Variants in KLHL11 observed in about 807,000 individuals in gnomAD.
KLHL11 encodes the protein kelch-like protein 11.
Under a neutral mutation model 56.1 loss-of-function variants are expected in KLHL11, and 26 were observed. The ratio of observed to expected loss-of-function variants is 0.46; its 90% CI spans 0.34 to 0.64. The LOEUF (loss-of-function observed/expected upper bound fraction) is 0.64, where lower values mean the gene tolerates loss of function less well. Among genes scored for constraint, KLHL11 ranks in the 30% least tolerant of loss-of-function variants. The pLI is 0.01. For missense variants in KLHL11, 627 were observed against 919.4 expected (o/e 0.68, Z 4.11); for synonymous variants, 338 against 345.8 (o/e 0.98, Z 0.25).
rs149464035 is a variant in KLHL11, at chr17:41,864,831, G to C, written c.540C>G (p.Ala180=). The C allele has an allele frequency of 3.8e-3, 5,749 of 1,499,754 alleles. 16 individuals are homozygous for C. Among genetic ancestry groups the C allele is most frequent in the Non-Finnish European group, 4.7e-3 (5,322 of 1,120,782 alleles). The allele number at this position is 1,499,754 out of a possible 1,614,324, so 92.9% of individuals were successfully genotyped here. ...TGSVHEVLEL[A]DRFLLIRLKE... ...CTCCCGCCTCCCTCGCCTACCTGTC[G>C]GCCAACTCCAGCACCTCGTGCACGC... The change falls in exon 1 of 2, where the codon GCC becomes GCG. Residue 180 remains alanine (A), a synonymous_variant. Coordinates refer to ENST00000319121, the MANE Select transcript of KLHL11 (RefSeq NM_018143.3).
Position 41,865,273 on chromosome 17 carries a change from G to T in KLHL11, c.98C>A (p.Ser33Ter). 6.4e-7 allele frequency: 1 copy of T among 1,574,698 alleles called. No individual in the cohort carries two copies. Reference sequence around the variant, plus strand: ...TCGGACCTCGGCGGCCAGTCCTGCCGAGCCGGCGGCGGCCGTCTCCATGCT... The same window carrying T: ...TCGGACCTCGGCGGCCAGTCCTGCCTAGCCGGCGGCGGCCGTCTCCATGCT... ...MESMETAAAG[S>*]AGLAAEVRGS... is the part of the protein sequence containing the mutation. Residue 33 changes from serine to a stop codon, truncating the protein, a stop_gained, in exon 1 of 2, where the codon TCG (serine) becomes TAG (stop). Coordinates refer to ENST00000319121, the MANE Select transcript of KLHL11 (RefSeq NM_018143.3). LOFTEE classifies it high-confidence loss of function.
chr17:41,857,154 C>A (rs2144157011), intron 1 of KLHL11, among the ~76,000 whole-genome samples: 1 of 152,098 alleles, frequency 6.6e-6, no homozygotes, highest in South Asian at 2.1e-4. Context: ...TATAATCGTG[C>A]CTGTGAATAG....
In KLHL11 at chr17:41,853,545, T is replaced by C. The variant is rs1181081897; in HGVS notation, c.*195A>G. The C allele has an allele frequency of 1.1e-5, 6 of 558,580 alleles. No individual in the cohort carries two copies. Among genetic ancestry groups the C allele is most frequent in the East Asian group, 3.1e-5 (1 of 31,746 alleles). The allele number at this position is 558,580 out of a possible 1,614,324, so 34.6% of individuals were successfully genotyped here. ...CAAACAAACAAACCAAAGACAAAAATTGCAAGCTAACAAAATGACCATGTA... is the reference window on the plus strand; with the variant it reads ...CAAACAAACAAACCAAAGACAAAAACTGCAAGCTAACAAAATGACCATGTA... On this transcript the variant is annotated 3_prime_UTR_variant, in exon 2 of 2. Coordinates refer to ENST00000319121, the MANE Select transcript of KLHL11 (RefSeq NM_018143.3).
In KLHL11 at chr17:41,865,341, CGCCGCCGCCGCCACT is replaced by C; in HGVS notation, c.15_29del (p.Val6_Ala10del). The C allele has an allele frequency of 6.9e-7, 1 of 1,438,948 alleles. No homozygotes were observed. The highest frequency in any genetic ancestry group is 9.0e-7 in the Non-Finnish European group (1 of 1,109,698). 89.1% of individuals were successfully genotyped at this position (1,438,948 alleles called of 1,614,324 possible). Reference sequence around the variant, plus strand: ...GAAGAGATGCAGCCGCGGCCGCCGCCGCCGCCGCCGCCACTGCCGCAGCCGCCATCTTGACGCCGC... The same window carrying C: ...GAAGAGATGCAGCCGCGGCCGCCGCCGCCGCAGCCGCCATCTTGACGCCGC... On this transcript the variant is annotated inframe_deletion, in exon 1 of 2. Coordinates refer to ENST00000319121, the MANE Select transcript of KLHL11 (RefSeq NM_018143.3).
At chr17:41,858,034 T>C (rs2048377106) in intron 1 of KLHL11, among the ~76,000 whole-genome samples, 1 of 151,958 alleles carries the variant, frequency 6.6e-6, no homozygotes, top group East Asian at 1.9e-4. Context: ...GCCAGGCTGG[T>C]CTCAAACTCC....
chr17:41,861,686 CAAAAAAAAAA>C (rs71155178), intron 1 of KLHL11, among the ~76,000 whole-genome samples: 6 of 61,870 alleles, frequency 9.7e-5, no homozygotes, highest in African/African-American at 3.3e-4. Context: ...ACTCTTGTCT[CAAAAAAAAAA>C]AAAAAAAAAA....
rs782726151 is a variant in KLHL11, at chr17:41,864,902, C to T, written c.469G>A (p.Val157Ile). Reference sequence around the variant, plus strand: ...CGCCCGGTGTACATGTACTCGATTACGGCTTCCACTGTGTCGGGTTCGGGC... The same window carrying T: ...CGCCCGGTGTACATGTACTCGATTATGGCTTCCACTGTGTCGGGTTCGGGC... ...PGPEPDTVEAVIEYMYTGRIR... is the reference protein window; with the variant it reads ...PGPEPDTVEAIIEYMYTGRIR... Residue 157 changes from valine (V) to isoleucine (I), a missense_variant, in exon 1 of 2, where the codon GTA becomes ATA. Val to Ile is a conservative substitution (Grantham distance 29). This residue lies in a region of KLHL11 where 150 missense variants were observed against 215.7 expected (regional missense o/e 0.70). Transcript: ENST00000319121. The T allele has an allele frequency of 6.2e-7, 1 of 1,608,350 alleles. No homozygotes were observed. The highest frequency in any genetic ancestry group is 1.1e-5 in the South Asian group (1 of 89,906).
intron 1 of KLHL11, among the ~76,000 whole-genome samples, chr17:41,863,114 C>T (rs2048414901): frequency 6.6e-6 from 1 of 152,108 alleles, no homozygotes; most frequent in South Asian, 2.1e-4. Flanking sequence ...TCCACCACCA[C>T]TGCCACAACC....
At position 41,864,813 on chromosome 17, in the gene KLHL11, C is replaced by T; in HGVS notation, c.545+13G>A. 1.3e-6 allele frequency: 2 copies of T among 1,492,130 alleles called. No individual in the cohort carries two copies. Among genetic ancestry groups the T allele is most frequent in the Middle Eastern group, 1.8e-4 (1 of 5,580 alleles). The allele number at this position is 1,492,130 out of a possible 1,614,324, so 92.4% of individuals were successfully genotyped here. A position where few individuals can be genotyped will look rare whatever the true frequency, so the allele number is the denominator to read the frequency against. On this transcript the variant is annotated intron_variant, in intron 1 of 1. Coordinates refer to ENST00000319121, the MANE Select transcript of KLHL11 (RefSeq NM_018143.3). ...CGCCCGCCGCCCTCCGCGCTCCCGC[C>T]TCCCTCGCCTACCTGTCGGCCAACT...
Position 41,853,712 on chromosome 17 carries a change from C to A in KLHL11, c.*28G>T. 1 of 1,575,474 alleles carries A rather than the reference C, an allele frequency of 6.3e-7. No homozygotes were observed. Among genetic ancestry groups the A allele is most frequent in the South Asian group, 1.2e-5 (1 of 85,358 alleles). The stretch of plus-strand genomic sequence containing the variant: ...CTTCAGCTTCACGAAACGGGTGTAA[C>A]AGTTTTAATCGGCACGCTTGAGAGA... On this transcript the variant is annotated 3_prime_UTR_variant, in exon 2 of 2. Coordinates refer to ENST00000319121, the MANE Select transcript of KLHL11 (RefSeq NM_018143.3).
Position 41,854,251 on chromosome 17 carries a change from G to T in KLHL11, c.1616C>A (p.Ser539Tyr). The change falls in exon 2 of 2, where the codon TCT (serine) becomes TAT (tyrosine). Residue 539 changes from serine (S) to tyrosine (Y), a missense_variant. Ser to Tyr is a moderately radical substitution (Grantham distance 144, BLOSUM62 -2). Transcript: ENST00000319121. This position sits in a 1 kb window ranked among gnomAD's most constrained non-coding sequence, Gnocchi z 4.9. ...GCAGTAATTGTCAATAAGCGGCAAA[G>T]ATTCCACATCTTGCCACTGTCGAGT... Reference protein sequence around the residue: ...TETRQWQDVESLPLIDNYCFF... With the variant: ...TETRQWQDVEYLPLIDNYCFF... 1.2e-6 allele frequency: 2 copies of T among 1,614,218 alleles called. No homozygotes were observed. The highest frequency in any genetic ancestry group is 1.7e-6 in the Non-Finnish European group (2 of 1,180,034).
At chr17:41,860,089 A>G (rs985928131) in intron 1 of KLHL11, among the ~76,000 whole-genome samples, 2 of 152,300 alleles carry the variant, frequency 1.3e-5, no homozygotes, top group Non-Finnish European at 2.9e-5. Context: ...TTAAGAGAAC[A>G]TATCATTTTA....
chr17:41,851,742 C>A lies in KLHL11; in HGVS notation c.*1998G>T, dbSNP rs924840947. 5.9e-5 allele frequency among the ~76,000 whole-genome samples: 9 copies of A among 151,350 alleles called. No individual in the cohort carries two copies. Among genetic ancestry groups the A allele is most frequent in the Non-Finnish European group, 1.3e-4 (9 of 67,870 alleles). ...GCAACATGGAGAAACCCCATCTCTACCAAAAATACAAAAAAAAAATTAGCT... is the reference window on the plus strand; with the variant it reads ...GCAACATGGAGAAACCCCATCTCTAACAAAAATACAAAAAAAAAATTAGCT... On this transcript the variant is annotated 3_prime_UTR_variant, in exon 2 of 2. Coordinates refer to ENST00000319121, the MANE Select transcript of KLHL11 (RefSeq NM_018143.3).
chr17:41,864,680 C>G (rs1054932062), intron 1 of KLHL11, 146 bp downstream of exon 1: 3 of 911,760 alleles, frequency 3.3e-6, no homozygotes, highest in African/African-American at 3.5e-5. Context: ...GTGGCTGCCC[C>G]CAAGCAGGCG....
In KLHL11 at chr17:41,850,161, A is replaced by AACAGAT. The variant is rs1226079073; in HGVS notation, c.*3573_*3578dup. ...TTAGAATTTCAGAATGTCAGCCTTGAACAGATTTAAGCAAATCTGGTTTCT... is the reference window on the plus strand; with the variant it reads ...TTAGAATTTCAGAATGTCAGCCTTGAACAGATACAGATTTAAGCAAATCTGGTTTCT... On this transcript the variant is annotated 3_prime_UTR_variant, in exon 2 of 2. Transcript: ENST00000319121. 5 of 152,240 alleles carry AACAGAT rather than the reference A, an allele frequency of 3.3e-5. No individual in the cohort carries two copies. The highest frequency in any genetic ancestry group is 1.2e-4 in the African/African-American group (5 of 41,468). 9.4% of individuals were successfully genotyped at this position (152,240 alleles called of 1,614,324 possible).
In KLHL11 at chr17:41,849,341, A is replaced by T. The variant is rs1463461943; in HGVS notation, c.*4399T>A. The T allele has an allele frequency of 6.6e-6, 1 of 152,210 alleles. No individual in the cohort carries two copies. Among genetic ancestry groups the T allele is most frequent in the Non-Finnish European group, 1.5e-5 (1 of 68,042 alleles). The allele number at this position is 152,210 out of a possible 1,614,324, so 9.4% of individuals were successfully genotyped here. A position where few individuals can be genotyped will look rare whatever the true frequency, so the allele number is the denominator to read the frequency against. On this transcript the variant is annotated 3_prime_UTR_variant, in exon 2 of 2. Transcript: ENST00000319121. ...TATGCTTGATTAGACCAAATAACTA[A>T]AATATACAAATCAGCTCTCCTGTCT...
At position 41,849,503 on chromosome 17, in the gene KLHL11, T is replaced by A. The variant is rs1472258453; in HGVS notation, c.*4237A>T. ...TGCCTTACCAGCAGCCTGACGGGTT[T>A]AAAAAACACAAAAGCACACAAATCT... is the stretch of plus-strand genomic sequence containing the variant. On this transcript the variant is annotated 3_prime_UTR_variant, in exon 2 of 2. Transcript: ENST00000319121. The A allele has an allele frequency of 6.6e-6, 1 of 152,140 alleles. No individual in the cohort carries two copies. Among genetic ancestry groups the A allele is most frequent in the African/African-American group, 2.4e-5 (1 of 41,434 alleles). The allele number at this position is 152,140 out of a possible 1,614,324, so 9.4% of individuals were successfully genotyped here.
intron 1 of KLHL11, among the ~76,000 whole-genome samples, chr17:41,858,416 TGTTG>T (rs1555622770): frequency 1.1e-4 from 11 of 102,368 alleles, no homozygotes; most frequent in African/African-American, 4.1e-4. Flanking sequence ...TTTTTGTTGT[TGTTG>T]TTGTTGTTGT....
Position 41,850,461 on chromosome 17 carries a change from T to C in KLHL11, c.*3279A>G, listed in dbSNP as rs186015263. 58 of 152,252 alleles carry C rather than the reference T, an allele frequency of 3.8e-4. No individual in the cohort carries two copies. The highest frequency in any genetic ancestry group is 1.4e-3 in the African/African-American group (58 of 41,542). 9.4% of individuals were successfully genotyped at this position (152,252 alleles called of 1,614,324 possible). ...TGTGAAAAAAACACAACCCCACAAA[T>C]GACTTGGTAATAATTATCTCAGAAG... On this transcript the variant is annotated 3_prime_UTR_variant, in exon 2 of 2. Transcript: ENST00000319121.
Sources: allele counts gnomAD v4.1 joint callset (sites outside exome capture counted in the v4.1 genomes callset), GRCh38; gene constraint gnomAD v4.1.1; regional missense constraint gnomAD v4.1.1; non-coding constraint Gnocchi (gnomAD v3.1); transcripts MANE v1.5; gene names NCBI Gene and HGNC (gene_info 2026-07-23, HGNC 2026-07-21).